The following IWS1 variants were observed in gnomAD, a reference collection of about 807,000 sequenced individuals.
IWS1 encodes interacts with SUPT6H, CTD assembly factor 1.
IWS1 carries 27 observed loss-of-function variants against 86.7 expected under a neutral mutation model. The ratio of observed to expected loss-of-function variants is 0.31; its 90% confidence interval spans 0.23 to 0.43. The LOEUF (loss-of-function observed/expected upper bound fraction) is 0.43. Ranked by LOEUF, IWS1 falls within the 20% of genes least tolerant of loss-of-function variation. The pLI is 1.00. For missense variants in IWS1, 827 were observed against 1,000.8 expected, an observed-to-expected ratio of 0.83 and a Z score of 2.34; for synonymous variants, 313 against 335.1, an observed-to-expected ratio of 0.93 and a Z score of 0.72.
chr2:127,494,929 T>C lies in IWS1; in HGVS notation c.1742A>G (p.Lys581Arg), dbSNP rs1490544851. 6.2e-7 allele frequency: 1 copy of C among 1,602,572 alleles called. No homozygotes were observed. The highest frequency in any genetic ancestry group is 8.5e-7 in the Non-Finnish European group (1 of 1,173,732). The change falls in exon 8 of 14, where the codon AAA becomes AGA. Residue 581 changes from lysine to arginine, a missense_variant. Lys to Arg is a conservative substitution (Grantham distance 26). This residue lies in a region of IWS1 where 279 missense variants were observed against 440.6 expected (regional missense o/e 0.63). Transcript: ENST00000295321. ...AGTTAATTTTTTCAGTGCTGGCTTT[T>C]TTTGATTGTTCAACTGTCTGTCTTC... is the stretch of plus-strand genomic sequence containing the variant. ...AEEDRQLNNQKKPALKKLTLL... is the reference protein window; with the variant it reads ...AEEDRQLNNQRKPALKKLTLL...
At chr2:127,502,916 C>T in intron 4 of IWS1, 44 bp from the exon 5 acceptor site, 1 of 1,094,010 alleles carries the variant, frequency 9.1e-7, no homozygotes. Flanking sequence ...GCTTTATCCT[C>T]ATTTGCATAG....
intron 2 of IWS1, among the ~76,000 whole-genome samples, chr2:127,507,130 C>A (rs1325100394): frequency 6.6e-6 from 1 of 152,068 alleles, no homozygotes; most frequent in Non-Finnish European, 1.5e-5. Flanking sequence ...AATATATATG[C>A]CCAACATCAT....
chr2:127,482,358 T>G (rs1689673511), intron 13 of IWS1: 1 of 152,208 alleles, frequency 6.6e-6, no homozygotes, highest in East Asian at 1.9e-4. Context: ...CCTGTCTTTC[T>G]AGGAATATCT....
At chr2:127,486,420 A>G in intron 13 of IWS1, 133 bp downstream of exon 13, 1 of 644,876 alleles carries the variant, frequency 1.6e-6, no homozygotes. Context: ...GTTTGGCTAG[A>G]TAAGCGACCA....
At chr2:127,492,112 A>T (rs764138612) in intron 9 of IWS1, 24 bp from the exon 10 acceptor site, 2 of 1,466,798 alleles carry the variant, frequency 1.4e-6, no homozygotes, top group South Asian at 2.3e-5. Flanking sequence ...ACACATACAC[A>T]CATATTAATC....
Position 127,502,870 on chromosome 2 carries a change from T to G in IWS1, c.1412A>C (p.Asn471Thr), listed in dbSNP as rs533950933. Reference sequence around the variant, plus strand: ...TTCTCCAAATATGTCTGCAATAAGATTTCTAGAAAGTAGACAAATGTAAAA... The same window carrying G: ...TTCTCCAAATATGTCTGCAATAAGAGTTCTAGAAAGTAGACAAATGTAAAA... ...SDSESGNEEENLIADIFGESG... is the reference protein window; with the variant it reads ...SDSESGNEEETLIADIFGESG... The change falls in exon 5 of 14, where the codon AAT becomes ACT. Residue 471 changes from asparagine to threonine, a missense_variant and splice_region_variant. Coordinates refer to ENST00000295321, the MANE Select transcript of IWS1 (RefSeq NM_017969.3). 2.0e-5 allele frequency: 30 copies of G among 1,518,914 alleles called. No homozygotes were observed. The highest frequency in any genetic ancestry group is 3.4e-4 in the Middle Eastern group (2 of 5,874). 94.1% of individuals were successfully genotyped at this position (1,518,914 alleles called of 1,614,324 possible). A position where few individuals can be genotyped will look rare whatever the true frequency, so the allele number is the denominator to read the frequency against.
intron 2 of IWS1, among the ~76,000 whole-genome samples, chr2:127,513,438 C>T (rs919236588): frequency 1.3e-5 from 2 of 152,088 alleles, no homozygotes; most frequent in Non-Finnish European, 1.5e-5. Context: ...AACTGCAATA[C>T]CTTTTCTTCA....
chr2:127,501,275 G>C (rs189991733), intron 5 of IWS1, among the ~76,000 whole-genome samples: 1 of 152,226 alleles, frequency 6.6e-6, no homozygotes, highest in East Asian at 1.9e-4. Context: ...GCAGTTAGTA[G>C]ATTCTATTGT....
rs553375766 is a variant in IWS1 at position 127,523,284 on chromosome 2, T to C, written c.150+392A>G. 2.0e-5 allele frequency among the ~76,000 whole-genome samples: 3 copies of C among 152,272 alleles called. No homozygotes were observed. The South Asian group carries it at 6.2e-4, about 32-fold the overall frequency. On this transcript the variant is annotated intron_variant, in intron 2 of 13. Coordinates refer to ENST00000295321, the MANE Select transcript of IWS1 (RefSeq NM_017969.3). ...AAAATCAGAAGGGCAAATGCTGACATAAATGTTGACAGGTGATAACCCCCA... is the reference window on the plus strand; with the variant it reads ...AAAATCAGAAGGGCAAATGCTGACACAAATGTTGACAGGTGATAACCCCCA...
intron 2 of IWS1, among the ~76,000 whole-genome samples, chr2:127,510,739 G>A (rs757051747): frequency 4.6e-5 from 7 of 150,966 alleles, no homozygotes; most frequent in African/African-American, 1.5e-4. Flanking sequence ...CTTCCGCCTT[G>A]GCCTCCCAAC....
intron 2 of IWS1, among the ~76,000 whole-genome samples, chr2:127,518,514 A>AAAAAAG (rs892199873): frequency 5.3e-4 from 80 of 152,188 alleles, no homozygotes; most frequent in African/African-American, 1.9e-3. Context: ...ATTCTGCCTC[A>AAAAAAG]AAAAAGAAAA....
rs1558736643 is a variant in IWS1, at chr2:127,483,575, G to GT, written c.2329-2401_2329-2400insA. ...TAACCAAAATTATAATTTGGTCGGG[G>GT]CGGGGGGTGGTGGGGTGGGGGGGTT... is the stretch of plus-strand genomic sequence containing the variant. On this transcript the variant is annotated intron_variant, in intron 13 of 13. Transcript: ENST00000295321. Among the ~76,000 whole-genome samples the GT allele has an allele frequency of 4.3e-5, 2 of 46,044 alleles. 1 individual carries two copies. Among genetic ancestry groups the GT allele is most frequent in the Non-Finnish European group, 8.5e-5 (2 of 23,512 alleles). 30.2% of individuals were successfully genotyped at this position (46,044 alleles called of 152,430 possible).
chr2:127,489,344 C>T lies in IWS1; in HGVS notation c.2160-109G>A, dbSNP rs536628126. The stretch of plus-strand genomic sequence containing the variant: ...ACCATAACTATTAATAGCTCTTTTA[C>T]GATGGATCAGGGAAAATAATTCCTA... On this transcript the variant is annotated intron_variant, in intron 11 of 13. Transcript: ENST00000295321. The surrounding 1 kb of genome is among the most constrained non-coding windows in gnomAD (Gnocchi z 4.8). The T allele has an allele frequency of 2.6e-4, 181 of 709,452 alleles. No individual in the cohort carries two copies. The East Asian group carries it at 4.2e-3, about 16-fold the overall frequency. The allele number at this position is 709,452 out of a possible 1,614,324, so 43.9% of individuals were successfully genotyped here.
At position 127,505,787 on chromosome 2, in the gene IWS1, C is replaced by CAA. The variant is rs72159568; in HGVS notation, c.151-37_151-36dup. ...AAAGTGAGAAAAAATTAGGAAAGTG[C>CAA]AAAAAAAAAAAAACCATTAATAATA... On this transcript the variant is annotated intron_variant, in intron 2 of 13. Coordinates refer to ENST00000295321, the MANE Select transcript of IWS1 (RefSeq NM_017969.3). The surrounding 1 kb of genome is among the most constrained non-coding windows in gnomAD (Gnocchi z 5.0). 538 of 877,056 alleles carry CAA rather than the reference C, an allele frequency of 6.1e-4. No homozygotes were observed. The highest frequency in any genetic ancestry group is 8.2e-4 in the South Asian group (35 of 42,500). The allele number at this position is 877,056 out of a possible 1,614,324, so 54.3% of individuals were successfully genotyped here. A position where few individuals can be genotyped will look rare whatever the true frequency, so the allele number is the denominator to read the frequency against.
At chr2:127,482,640 C>G (rs1689692903) in intron 13 of IWS1, 1 of 152,392 alleles carries the variant, frequency 6.6e-6, no homozygotes, top group South Asian at 2.1e-4. Flanking sequence ...TCGCCTACTC[C>G]CAGGACCCTC....
Position 127,502,832 on chromosome 2 carries a change from C to G in IWS1, c.1450G>C (p.Glu484Gln). 1 of 1,549,168 alleles carries G rather than the reference C, an allele frequency of 6.5e-7. No homozygotes were observed. The highest frequency in any genetic ancestry group is 8.9e-7 in the Non-Finnish European group (1 of 1,124,064). ...ATACTTACTGTAAATTCTTCTTCCT[C>G]TTCATCACCAGATTCTCCAAATATG... ...ADIFGESGDE[E>Q]EEEFTGFNQE... The change falls in exon 5 of 14, where the codon GAG (glutamate) becomes CAG (glutamine). Residue 484 changes from glutamate to glutamine, a missense_variant. This residue lies in a region of IWS1 where 279 missense variants were observed against 440.6 expected (regional missense o/e 0.63). Transcript: ENST00000295321.
At chr2:127,493,780 C>A (rs1353835685) in intron 8 of IWS1, among the ~76,000 whole-genome samples, 1 of 145,592 alleles carries the variant, frequency 6.9e-6, no homozygotes, top group African/African-American at 2.5e-5. Flanking sequence ...TGGTGGTGAA[C>A]CCAGATTTGC....
At position 127,493,420 on chromosome 2, in the gene IWS1, CAAT is replaced by C. The variant is rs1473183894; in HGVS notation, c.1800-13_1800-11del. The C allele has an allele frequency of 3.2e-6, 5 of 1,585,896 alleles. No individual in the cohort carries two copies. The highest frequency in any genetic ancestry group is 4.3e-6 in the Non-Finnish European group (5 of 1,171,680). On this transcript the variant is annotated splice_polypyrimidine_tract_variant and intron_variant, in intron 8 of 13. Transcript: ENST00000295321. ...TTCTTTAAGGTCCTGCCTGCAGTAA[CAAT>C]AATTTTTAAAAATTCTGTGAACCTT...
chr2:127,502,707 CATAA>C (rs1176485317), intron 5 of IWS1, 104 bp downstream of exon 5: 5 of 576,536 alleles, frequency 8.7e-6, no homozygotes, highest in African/African-American at 5.6e-5. Flanking sequence ...TTGAATACAT[CATAA>C]TTGTTTATTC....
Sources: allele counts gnomAD v4.1 joint callset (sites outside exome capture counted in the v4.1 genomes callset), GRCh38; gene constraint gnomAD v4.1.1; regional missense constraint gnomAD v4.1.1; non-coding constraint Gnocchi (gnomAD v3.1); transcripts MANE v1.5; gene names NCBI Gene and HGNC (gene_info 2026-07-23, HGNC 2026-07-21).